The following GFOD1 variants were observed in gnomAD, a reference collection of about 807,000 sequenced individuals.
The protein encoded by GFOD1 is glucose-fructose oxidoreductase domain-containing protein 1.
A neutral mutation model predicts 25.4 loss-of-function variants in GFOD1; 9 were observed. The observed-to-expected ratio is 0.35, with a 90% CI of 0.21 to 0.62. GFOD1 has a LOEUF of 0.62. Among genes scored for constraint, GFOD1 ranks in the 20% least tolerant of loss-of-function variants. GFOD1 has a pLI of 0.72. For missense variants in GFOD1, 403 were observed against 556.9 expected (o/e 0.72, Z 2.78); for synonymous variants, 253 against 245.6 (o/e 1.03, Z -0.28).
intron 1 of GFOD1, among the ~76,000 whole-genome samples, chr6:13,390,275 T>TTTG (rs901424128): frequency 5.9e-5 from 9 of 152,238 alleles, no homozygotes; most frequent in Middle Eastern, 3.4e-3. Context: ...GGGCTTCCAT[T>TTTG]TTGTTGTTGT....
intron 1 of GFOD1, chr6:13,470,528 G>A (rs757790841): frequency 1.3e-5 from 20 of 1,548,986 alleles, no homozygotes; most frequent in Non-Finnish European, 1.7e-5. Context: ...TCCCATGTGG[G>A]GGTGCTGGAG....
At chr6:13,477,765 T>TA (rs1758659021) in intron 1 of GFOD1, among the ~76,000 whole-genome samples, 1 of 152,054 alleles carries the variant, frequency 6.6e-6, no homozygotes, top group Non-Finnish European at 1.5e-5. Context: ...ACAAAGTGGA[T>TA]AAAGAACCTA....
At position 13,363,681 on chromosome 6, in the gene GFOD1, G is replaced by T. The variant is rs9370034; in HGVS notation, c.*1062C>A. ...AAAGCTCTTGCCCAGCTTGGTAGGAGAGATGCGCGATAGAGCCCCAAACAC... is the reference window on the plus strand; with the variant it reads ...AAAGCTCTTGCCCAGCTTGGTAGGATAGATGCGCGATAGAGCCCCAAACAC... On this transcript the variant is annotated 3_prime_UTR_variant, in exon 2 of 2. Coordinates refer to ENST00000379287, the MANE Select transcript of GFOD1 (RefSeq NM_018988.4). The T allele has an allele frequency of 4.0e-5, 6 of 149,382 alleles. No homozygotes were observed. The highest frequency in any genetic ancestry group is 1.2e-4 in the African/African-American group (5 of 40,542). The allele number at this position is 149,382 out of a possible 1,614,324, so 9.3% of individuals were successfully genotyped here.
chr6:13,407,204 G>A (rs62386727), intron 1 of GFOD1, among the ~76,000 whole-genome samples: 33,457 of 152,150 alleles, frequency 0.22, 3,790 homozygotes, highest in East Asian at 0.33. Context: ...CTTACAGAGC[G>A]ACTGCTATGG....
At chr6:13,406,741 G>A (rs1329466136) in intron 1 of GFOD1, among the ~76,000 whole-genome samples, 3 of 152,134 alleles carry the variant, frequency 2.0e-5, no homozygotes, top group Non-Finnish European at 4.4e-5. Context: ...CTCATCCATT[G>A]GGCCTTTAAA....
chr6:13,387,965 C>G (rs982643670), intron 1 of GFOD1, among the ~76,000 whole-genome samples: 5 of 152,156 alleles, frequency 3.3e-5, no homozygotes, highest in Admixed American at 6.5e-5. Context: ...CATTCCTATA[C>G]AACAATAACA....
intron 1 of GFOD1, among the ~76,000 whole-genome samples, chr6:13,482,670 C>T (rs777299822): frequency 6.6e-6 from 1 of 152,138 alleles, no homozygotes; most frequent in Non-Finnish European, 1.5e-5. Context: ...ATCACTTGAA[C>T]CCAGGAGGTG....
chr6:13,477,016 G>T lies in GFOD1; in HGVS notation c.253+9622C>A, dbSNP rs7743305. On this transcript the variant is annotated intron_variant, in intron 1 of 1. Transcript: ENST00000379287. ...ACCCAAAAGAACGCTGGCTTTCCAG[G>T]TCTCCTGCTTTGAGGACAAGTGCTC... is the stretch of plus-strand genomic sequence containing the variant. Among the ~76,000 whole-genome samples the T allele has an allele frequency of 8.3e-3, 1,262 of 152,138 alleles. 10 individuals carry two copies. The highest frequency in any genetic ancestry group is 0.029 in the African/African-American group (1,204 of 41,478).
At chr6:13,414,047 A>G (rs1335488218) in intron 1 of GFOD1, among the ~76,000 whole-genome samples, 1 of 152,258 alleles carries the variant, frequency 6.6e-6, no homozygotes, top group East Asian at 1.9e-4. Flanking sequence ...TATTCTAAAA[A>G]CAGATAAGGG....
intron 1 of GFOD1, among the ~76,000 whole-genome samples, chr6:13,455,379 G>A (rs1758170251): frequency 6.6e-6 from 1 of 152,230 alleles, no homozygotes; most frequent in African/African-American, 2.4e-5. Flanking sequence ...CACAGAAACT[G>A]TGGGGAATGG....
chr6:13,382,110 T>C (rs962400261), intron 1 of GFOD1, among the ~76,000 whole-genome samples: 1 of 152,124 alleles, frequency 6.6e-6, no homozygotes, highest in Non-Finnish European at 1.5e-5. Flanking sequence ...GTTCACATCC[T>C]AGTAAGTGGT....
At chr6:13,459,158 C>T (rs1758246322) in intron 1 of GFOD1, among the ~76,000 whole-genome samples, 1 of 152,104 alleles carries the variant, frequency 6.6e-6, no homozygotes, top group Non-Finnish European at 1.5e-5. Flanking sequence ...TCAAAATAGA[C>T]ACATAGACCA....
chr6:13,375,398 A>G lies in GFOD1; in HGVS notation c.254-9736T>C, dbSNP rs185231636. 5.9e-5 allele frequency among the ~76,000 whole-genome samples: 9 copies of G among 152,342 alleles called. No individual in the cohort carries two copies. In the East Asian group the frequency reaches 1.7e-3, roughly 29 times the overall value. ...TGAAGACAATCATGCGACTGACTGC[A>G]GTGAGCTTCAGAAACCAGGGCGGTG... On this transcript the variant is annotated intron_variant, in intron 1 of 1. Transcript: ENST00000379287.
intron 1 of GFOD1, among the ~76,000 whole-genome samples, chr6:13,473,139 G>A (rs1758543789): frequency 6.6e-6 from 1 of 152,170 alleles, no homozygotes. Flanking sequence ...ATATGCAAAT[G>A]TCCTTCTCCA....
At chr6:13,436,100 C>A (rs1436860573) in intron 1 of GFOD1, among the ~76,000 whole-genome samples, 4 of 152,138 alleles carry the variant, frequency 2.6e-5, no homozygotes, top group Admixed American at 2.6e-4. Flanking sequence ...GTTGGGTGAC[C>A]AGAGGATGGA....
At chr6:13,371,811 C>A (rs561540845) in intron 1 of GFOD1, among the ~76,000 whole-genome samples, 1 of 152,128 alleles carries the variant, frequency 6.6e-6, no homozygotes, top group South Asian at 2.1e-4. Flanking sequence ...GGACTGTGAA[C>A]CATCACGCCA....
intron 1 of GFOD1, among the ~76,000 whole-genome samples, chr6:13,380,521 G>A (rs1785343189): frequency 1.3e-5 from 2 of 152,150 alleles, no homozygotes; most frequent in African/African-American, 2.4e-5. Flanking sequence ...GCAGCTTAGC[G>A]AATGTCAAGT....
intron 1 of GFOD1, chr6:13,408,116 C>T: frequency 1.1e-5 from 11 of 984,762 alleles, no homozygotes; most frequent in Non-Finnish European, 1.3e-5. Context: ...CATCTATCCT[C>T]CACATAGAGT....
chr6:13,444,580 C>T (rs1443142481), intron 1 of GFOD1, among the ~76,000 whole-genome samples: 2 of 151,800 alleles, frequency 1.3e-5, no homozygotes, highest in East Asian at 1.9e-4. Context: ...TATATGTTCA[C>T]GTGCTTTATA....
Sources: gnomAD v4.1 joint callset for allele counts (sites outside exome capture counted in the v4.1 genomes callset) on GRCh38, gnomAD v4.1.1 for gene constraint, MANE v1.5 for transcripts, NCBI Gene and HGNC (gene_info 2026-07-23, HGNC 2026-07-21) for gene names.